The following KCNG2 variants were observed in gnomAD, a reference collection of about 807,000 sequenced individuals.
KCNG2 encodes potassium voltage-gated channel modifier subfamily G member 2.
In KCNG2, 7 loss-of-function variants were observed where a neutral mutation model predicts 12.3. The ratio of observed to expected loss-of-function variants is 0.57; its 90% CI spans 0.32 to 1.07. The LOEUF (loss-of-function observed/expected upper bound fraction) is 1.07, where lower values mean the gene tolerates loss of function less well. Ranked by LOEUF, KCNG2 falls within the 50% of genes least tolerant of loss-of-function variation. The pLI is 0.04. For synonymous variants in KCNG2, 414 were observed against 351.4 expected (o/e 1.18, Z -1.99); for missense variants, 703 against 726.0 (o/e 0.97, Z 0.36).
intron 1 of KCNG2, among the ~76,000 whole-genome samples, chr18:79,845,627 T>C (rs1376219065): frequency 2.6e-5 from 4 of 152,172 alleles, no homozygotes; most frequent in Non-Finnish European, 5.9e-5. Flanking sequence ...GAAAAATAAT[T>C]GTCAATTTCT....
chr18:79,894,421 C>T (rs1332953562), intron 3 of KCNG2, among the ~76,000 whole-genome samples: 9 of 2,736 alleles, frequency 3.3e-3, no homozygotes, highest in African/African-American at 9.1e-3. Context: ...CCATTAATTA[C>T]GATTGATATA....
Position 79,822,902 on chromosome 18 carries a change from G to A in KCNG2, c.-115+24888G>A, listed in dbSNP as rs954534358. Among the ~76,000 whole-genome samples the A allele has an allele frequency of 3.3e-5, 5 of 152,222 alleles. No individual in the cohort carries two copies. Among genetic ancestry groups the A allele is most frequent in the Admixed American group, 3.3e-4 (5 of 15,280 alleles). On this transcript the variant is annotated intron_variant, in intron 1 of 3. Coordinates refer to ENST00000316249, the MANE Select transcript of KCNG2 (RefSeq NM_012283.2). The surrounding 1 kb of genome is among the most constrained non-coding windows in gnomAD (Gnocchi z 4.4). ...TCCTTGTGAGGCACCTGGGCTTATC[G>A]TGGGCGTTGGTGTTGCGTGTGGGTG...
intron 1 of KCNG2, among the ~76,000 whole-genome samples, chr18:79,842,158 C>T (rs1978479470): frequency 6.6e-6 from 1 of 152,210 alleles, no homozygotes; most frequent in Non-Finnish European, 1.5e-5. Flanking sequence ...GCCTCTGCAG[C>T]CCAGGTACCA....
At chr18:79,853,607 C>T (rs145481221) in intron 1 of KCNG2, among the ~76,000 whole-genome samples, 1 of 152,256 alleles carries the variant, frequency 6.6e-6, no homozygotes, top group Non-Finnish European at 1.5e-5. Context: ...CGGGAACCTG[C>T]TAGGGCTGTG....
At chr18:79,835,819 A>C (rs565680654) in intron 1 of KCNG2, among the ~76,000 whole-genome samples, 2 of 152,298 alleles carry the variant, frequency 1.3e-5, no homozygotes, top group South Asian at 4.1e-4. Context: ...CTTCACTTGA[A>C]CTGGTAAAAT....
At chr18:79,880,023 T>C (rs905479095) in intron 3 of KCNG2, among the ~76,000 whole-genome samples, 3 of 152,222 alleles carry the variant, frequency 2.0e-5, no homozygotes, top group Non-Finnish European at 2.9e-5. Flanking sequence ...GCAATGAGCA[T>C]GTTCACATTT....
At chr18:79,881,276 A>T (rs1160109268) in intron 3 of KCNG2, among the ~76,000 whole-genome samples, 1 of 152,162 alleles carries the variant, frequency 6.6e-6, no homozygotes. Context: ...AACACGCCGT[A>T]CGATTGGAAA....
At chr18:79,802,343 A>T (rs2087416093) in intron 1 of KCNG2, among the ~76,000 whole-genome samples, 1 of 152,174 alleles carries the variant, frequency 6.6e-6, no homozygotes, top group Non-Finnish European at 1.5e-5. Context: ...CGGCTCTCCC[A>T]GCCGTGCCGC....
chr18:79,798,359 C>G (rs1333001653), intron 1 of KCNG2, among the ~76,000 whole-genome samples: 3 of 152,088 alleles, frequency 2.0e-5, no homozygotes, highest in Non-Finnish European at 4.4e-5. Flanking sequence ...GCGGATCGCC[C>G]CGTCTATTCG....
chr18:79,816,950 C>T (rs780504200), intron 1 of KCNG2, among the ~76,000 whole-genome samples: 10 of 152,370 alleles, frequency 6.6e-5, no homozygotes, highest in South Asian at 2.1e-4. Flanking sequence ...CTGAAAGGCA[C>T]GGCTGTCACA....
At chr18:79,896,172 G>C (rs1249567151) in intron 3 of KCNG2, among the ~76,000 whole-genome samples, 1 of 152,060 alleles carries the variant, frequency 6.6e-6, no homozygotes, top group East Asian at 1.9e-4. Flanking sequence ...TGCCGTGTTG[G>C]CCAGGCTGGT....
At chr18:79,834,881 A>G (rs1046981570) in intron 1 of KCNG2, among the ~76,000 whole-genome samples, 1 of 152,246 alleles carries the variant, frequency 6.6e-6, no homozygotes, top group African/African-American at 2.4e-5. Flanking sequence ...GAATAAACTC[A>G]GGAGCCATGC....
intron 2 of KCNG2, among the ~76,000 whole-genome samples, chr18:79,857,726 A>T (rs1382627604): frequency 6.9e-6 from 1 of 143,962 alleles, no homozygotes; most frequent in African/African-American, 2.6e-5. Flanking sequence ...GTGTTACTGG[A>T]TCCCCCCGAG....
intron 3 of KCNG2, among the ~76,000 whole-genome samples, chr18:79,893,396 A>ACTCCG (rs1555696735): frequency 1.4e-5 from 2 of 145,700 alleles, no homozygotes; most frequent in Non-Finnish European, 3.0e-5. Context: ...TGGGTTCTTC[A>ACTCCG]TTGTTAACAA....
In KCNG2 at chr18:79,823,207, C is replaced by T. The variant is rs778602811; in HGVS notation, c.-115+25193C>T. 8.4e-4 allele frequency among the ~76,000 whole-genome samples: 128 copies of T among 152,308 alleles called. 5 individuals carry two copies. The highest frequency in any genetic ancestry group is 8.3e-4 in the South Asian group (4 of 4,832). ...CAGGCCTTACAGACCTTCCTCCTTCCGGCACGTGCCCCACCGTGTAGACAC... is the reference window on the plus strand; with the variant it reads ...CAGGCCTTACAGACCTTCCTCCTTCTGGCACGTGCCCCACCGTGTAGACAC... On this transcript the variant is annotated intron_variant, in intron 1 of 3. Transcript: ENST00000316249.
At chr18:79,856,102 AT>A (rs1978999690) in intron 1 of KCNG2, among the ~76,000 whole-genome samples, 1 of 152,200 alleles carries the variant, frequency 6.6e-6, no homozygotes, top group Non-Finnish European at 1.5e-5. Context: ...TTACGTCCAT[AT>A]TTTAAAATGT....
intron 3 of KCNG2, among the ~76,000 whole-genome samples, chr18:79,888,193 C>T (rs910043943): frequency 2.0e-5 from 3 of 152,248 alleles, no homozygotes; most frequent in Non-Finnish European, 4.4e-5. Flanking sequence ...GGAGCACCCG[C>T]CAGGCCCAGA....
At chr18:79,863,433 C>T (rs1039046616) in intron 2 of KCNG2, among the ~76,000 whole-genome samples, 195 bp from the exon 3 acceptor site, 2 of 152,226 alleles carry the variant, frequency 1.3e-5, no homozygotes, top group Non-Finnish European at 2.9e-5. Context: ...GCGGGGTCCG[C>T]TGGACGCTTG....
rs1392219292 is a variant in KCNG2 at position 79,864,177 on chromosome 18, G to T, written c.510G>T (p.Pro170=). 2 of 1,515,552 alleles carry T rather than the reference G, an allele frequency of 1.3e-6. No individual in the cohort carries two copies. The highest frequency in any genetic ancestry group is 8.8e-7 in the Non-Finnish European group (1 of 1,135,934). 93.9% of individuals were successfully genotyped at this position (1,515,552 alleles called of 1,614,324 possible). The change falls in exon 3 of 4, where the codon CCG becomes CCT. Residue 170 remains proline, a synonymous_variant. Coordinates refer to ENST00000316249, the MANE Select transcript of KCNG2 (RefSeq NM_012283.2). ...GCCTGCGCGACGTGGTGGACAACCC[G>T]CACTCGGGGCTGGCGGGCAAGCTCT... ...RRRLRDVVDN[P]HSGLAGKLFA...
Sources: allele counts gnomAD v4.1 joint callset (sites outside exome capture counted in the v4.1 genomes callset), GRCh38; gene constraint gnomAD v4.1.1; non-coding constraint Gnocchi (gnomAD v3.1); transcripts MANE v1.5; gene names NCBI Gene and HGNC (gene_info 2026-07-23, HGNC 2026-07-21).